The following MAN1C1 variants were observed in gnomAD, a reference collection of about 807,000 sequenced individuals.
The protein encoded by MAN1C1 is mannosidase alpha class 1C member 1.
MAN1C1 carries 49 observed loss-of-function variants against 71.5 expected under a neutral mutation model. The observed-to-expected ratio is 0.69, with a 90% CI of 0.54 to 0.87. MAN1C1 has a LOEUF of 0.87. MAN1C1 is among the 40% of genes least tolerant of loss of function. The pLI, the probability that MAN1C1 is intolerant of heterozygous loss-of-function variation, is 0.00. For synonymous variants in MAN1C1, 352 were observed against 343.7 expected (o/e 1.02, Z -0.27); for missense variants, 743 against 835.0 (o/e 0.89, Z 1.36).
intron 1 of MAN1C1, among the ~76,000 whole-genome samples, chr1:25,662,923 A>T (rs1056534764): frequency 6.6e-6 from 1 of 151,772 alleles, no homozygotes; most frequent in East Asian, 1.9e-4. Flanking sequence ...GCTGGGTGTG[A>T]TGGCAGGCAC....
Position 25,758,612 on chromosome 1 carries a change from C to T in MAN1C1, c.950C>T (p.Thr317Ile). 6.2e-7 allele frequency: 1 copy of T among 1,614,200 alleles called. No homozygotes were observed. The highest frequency in any genetic ancestry group is 8.5e-7 in the Non-Finnish European group (1 of 1,180,042). The change falls in exon 6 of 12, where the codon ACA (threonine) becomes ATA (isoleucine). Residue 317 changes from threonine to isoleucine, a missense_variant. Coordinates refer to ENST00000374332, the MANE Select transcript of MAN1C1 (RefSeq NM_020379.4). ...TTCAGTGGGAACTGGGGCTGGGCCA[C>T]AGCCGGCAGCAGCAGCATCTTGGCG... ...SFKSGNWGWA[T>I]AGSSSILAEF... is the part of the protein sequence containing the mutation.
chr1:25,677,607 G>T (rs1407355509), intron 1 of MAN1C1, among the ~76,000 whole-genome samples: 2 of 152,072 alleles, frequency 1.3e-5, no homozygotes, highest in Non-Finnish European at 2.9e-5. Flanking sequence ...CTACTGCACT[G>T]CCCTGGCCCA....
In MAN1C1 at chr1:25,675,590, G is replaced by GC. The variant is rs1553185441; in HGVS notation, c.541-10850_541-10849insC. ...CATATAATGACTTATTTTGCGGGGG[G>GC]GGGGGGAGGTGGTTACCCAGTGTGG... is the stretch of plus-strand genomic sequence containing the variant. On this transcript the variant is annotated intron_variant, in intron 1 of 11. Coordinates refer to ENST00000374332, the MANE Select transcript of MAN1C1 (RefSeq NM_020379.4). Among the ~76,000 whole-genome samples the GC allele has an allele frequency of 3.8e-5, 5 of 132,662 alleles. No individual in the cohort carries two copies. In the East Asian group the frequency reaches 6.4e-4, roughly 17 times the overall value. 87.0% of individuals were successfully genotyped at this position (132,662 alleles called of 152,430 possible).
chr1:25,682,254 G>A (rs1458968459), intron 1 of MAN1C1, among the ~76,000 whole-genome samples: 1 of 152,212 alleles, frequency 6.6e-6, no homozygotes, highest in African/African-American at 2.4e-5. Flanking sequence ...CAAGTCTGCA[G>A]ATTATGCAAA....
intron 7 of MAN1C1, among the ~76,000 whole-genome samples, chr1:25,768,079 CCCCA>C: frequency 1.0e-5 from 1 of 97,410 alleles, no homozygotes; most frequent in East Asian, 3.7e-4. Flanking sequence ...ACACACTCCC[CCCCA>C]CACACAGACC....
chr1:25,678,435 A>G (rs373786595), intron 1 of MAN1C1, among the ~76,000 whole-genome samples: 61 of 152,354 alleles, frequency 4.0e-4, no homozygotes, highest in African/African-American at 1.4e-3. Context: ...TATCTCCCCA[A>G]GTGAACTACT....
intron 1 of MAN1C1, among the ~76,000 whole-genome samples, chr1:25,675,858 C>T (rs1200619748): frequency 6.6e-6 from 1 of 152,188 alleles, no homozygotes; most frequent in African/African-American, 2.4e-5. Context: ...TGTCCTTTTA[C>T]AGATGAGGAA....
intron 6 of MAN1C1, among the ~76,000 whole-genome samples, chr1:25,762,051 A>G (rs1251436905): frequency 6.6e-6 from 1 of 152,054 alleles, no homozygotes; most frequent in Non-Finnish European, 1.5e-5. Context: ...GTTGCAAATG[A>G]CAGAATTTCT....
intron 1 of MAN1C1, among the ~76,000 whole-genome samples, chr1:25,681,023 C>A (rs1309073108): frequency 6.6e-6 from 1 of 151,736 alleles, no homozygotes; most frequent in Non-Finnish European, 1.5e-5. Flanking sequence ...GAGTTTGAGA[C>A]CAGCCTGACC....
At chr1:25,689,552 G>T (rs867008809) in intron 2 of MAN1C1, among the ~76,000 whole-genome samples, 8 of 152,194 alleles carry the variant, frequency 5.3e-5, no homozygotes. Context: ...GGAGGGCTGA[G>T]GGGCATTCTT....
intron 2 of MAN1C1, among the ~76,000 whole-genome samples, chr1:25,726,775 G>T (rs1232095447): frequency 1.3e-5 from 2 of 152,062 alleles, no homozygotes; most frequent in Non-Finnish European, 2.9e-5. Context: ...AAAATTCTCA[G>T]CCAGGCATGA....
rs1308595849 is a variant in MAN1C1, at chr1:25,746,219, C to T, written c.638-449C>T. 2.0e-5 allele frequency among the ~76,000 whole-genome samples: 3 copies of T among 152,158 alleles called. No homozygotes were observed. Among genetic ancestry groups the T allele is most frequent in the Non-Finnish European group, 4.4e-5 (3 of 68,020 alleles). On this transcript the variant is annotated intron_variant, in intron 2 of 11. Transcript: ENST00000374332. This position sits in a 1 kb window ranked among gnomAD's most constrained non-coding sequence, Gnocchi z 4.0. ...ACTTGGGAGGCTGAGGTGGGAGAAT[C>T]GCTTGAACCTGGGAGGCAGAGGTTG...
At chr1:25,745,651 C>T (rs554102488) in intron 2 of MAN1C1, among the ~76,000 whole-genome samples, 5 of 152,152 alleles carry the variant, frequency 3.3e-5, no homozygotes, top group African/African-American at 4.8e-5. Flanking sequence ...CATAGTTCAC[C>T]CTCTATTAGC....
intron 1 of MAN1C1, among the ~76,000 whole-genome samples, chr1:25,662,154 C>A (rs2045858921): frequency 6.6e-6 from 1 of 152,226 alleles, no homozygotes; most frequent in African/African-American, 2.4e-5. Flanking sequence ...ATGTCTATCT[C>A]TCTCACAAGA....
Position 25,753,500 on chromosome 1 carries a change from C to T in MAN1C1, c.851C>T (p.Ala284Val), listed in dbSNP as rs1415624613. Residue 284 changes from alanine to valine, a missense_variant, in exon 5 of 12, where the codon GCC (alanine) becomes GTC (valine). Physicochemically the swap from Ala to Val is moderately conservative, Grantham distance 64 (BLOSUM62 0). Transcript: ENST00000374332. The surrounding 1 kb of genome is among the most constrained non-coding windows in gnomAD (Gnocchi z 4.9). The stretch of plus-strand genomic sequence containing the variant: ...CCTTTACAGGTGTTCCGAATAAAGG[C>T]CATCAGGCTGGGAGAGAAGCTCCTG... ...LTGEEVFRIK[A>V]IRLGEKLLPA... is the part of the protein sequence containing the mutation. 1 of 1,613,740 alleles carries T rather than the reference C, an allele frequency of 6.2e-7. No individual in the cohort carries two copies. The highest frequency in any genetic ancestry group is 2.2e-5 in the East Asian group (1 of 44,856).
In MAN1C1 at chr1:25,711,302, G is replaced by A. The variant is rs915239643; in HGVS notation, c.637+24766G>A. On this transcript the variant is annotated intron_variant, in intron 2 of 11. Transcript: ENST00000374332. This position sits in a 1 kb window ranked among gnomAD's most constrained non-coding sequence, Gnocchi z 4.3. ...ACTCCATCTCTTGATGGGAACAACC[G>A]CTAAGTCTCATGGCCAAAGTCAGGG... Among the ~76,000 whole-genome samples the A allele has an allele frequency of 2.6e-5, 4 of 152,178 alleles. No individual in the cohort carries two copies. The highest frequency in any genetic ancestry group is 2.1e-4 in the South Asian group (1 of 4,828).
chr1:25,618,047 C>T lies in MAN1C1; in HGVS notation c.250C>T (p.Pro84Ser). 1.3e-6 allele frequency: 2 copies of T among 1,567,818 alleles called. No individual in the cohort carries two copies. Among genetic ancestry groups the T allele is most frequent in the Non-Finnish European group, 1.7e-6 (2 of 1,161,212 alleles). The change falls in exon 1 of 12, where the codon CCG (proline) becomes TCG (serine). Residue 84 changes from proline (P) to serine (S), a missense_variant. Transcript: ENST00000374332. The part of the protein sequence containing the change: ...PAREQEPPPN[P>S]APAAPAPGED... Reference sequence around the variant, plus strand: ...CCGCGAGCAGGAGCCGCCTCCCAACCCGGCCCCCGCCGCGCCGGCCCCGGG... The same window carrying T: ...CCGCGAGCAGGAGCCGCCTCCCAACTCGGCCCCCGCCGCGCCGGCCCCGGG...
chr1:25,700,250 G>T (rs193144798), intron 2 of MAN1C1, among the ~76,000 whole-genome samples: 13 of 152,218 alleles, frequency 8.5e-5, no homozygotes, highest in African/African-American at 3.1e-4. Flanking sequence ...CCCTCCAATG[G>T]CTGCGCAAAT....
chr1:25,676,982 C>G (rs527525489), intron 1 of MAN1C1, among the ~76,000 whole-genome samples: 46 of 152,264 alleles, frequency 3.0e-4, no homozygotes, highest in Admixed American at 3.0e-3. Context: ...CTCTCTTGAT[C>G]TCATTGTTCT....
Sources: gnomAD v4.1 joint callset for allele counts (sites outside exome capture counted in the v4.1 genomes callset) on GRCh38, gnomAD v4.1.1 for gene constraint, Gnocchi (gnomAD v3.1) non-coding constraint, MANE v1.5 for transcripts, NCBI Gene and HGNC (gene_info 2026-07-23, HGNC 2026-07-21) for gene names.